FAM117B: variants seen among roughly 807,000 people sequenced by gnomAD.
FAM117B encodes family with sequence similarity 117 member B.
FAM117B carries 22 observed loss-of-function variants against 52.8 expected under a neutral mutation model. The observed-to-expected ratio is 0.42, with a 90% CI of 0.30 to 0.59. FAM117B has a LOEUF of 0.59. Ranked by LOEUF, FAM117B falls within the 20% of genes least tolerant of loss-of-function variation. The pLI is 0.22. For missense variants in FAM117B, 678 were observed against 802.6 expected (o/e 0.84, Z 1.88); for synonymous variants, 309 against 324.1 (o/e 0.95, Z 0.50).
intron 1 of FAM117B, among the ~76,000 whole-genome samples, chr2:202,669,338 G>A (rs1414097897): frequency 6.6e-6 from 1 of 152,094 alleles, no homozygotes; most frequent in African/African-American, 2.4e-5. Flanking sequence ...CAGTCATATG[G>A]TATCAGTGTG....
rs183801941 is a variant in FAM117B, at chr2:202,754,072, C to T, written c.961-1466C>T. The stretch of plus-strand genomic sequence containing the variant: ...AATCATTCTACTATAAAGACACATG[C>T]ACATATGTGTTTATTGCAGCACTGT... On this transcript the variant is annotated intron_variant, in intron 4 of 7. Transcript: ENST00000392238. Among the ~76,000 whole-genome samples the T allele has an allele frequency of 4.5e-4, 69 of 152,286 alleles. 1 individual carries two copies. The highest frequency in any genetic ancestry group is 2.3e-3 in the Admixed American group (35 of 15,302).
chr2:202,725,106 A>G (rs1276638838), intron 3 of FAM117B, 97 bp downstream of exon 3: 5 of 874,414 alleles, frequency 5.7e-6, no homozygotes, highest in Admixed American at 2.8e-5. Context: ...GTCGTTTTCC[A>G]TTGATTTCTT....
At chr2:202,732,166 C>T (rs1312363077) in intron 4 of FAM117B, among the ~76,000 whole-genome samples, 3 of 151,756 alleles carry the variant, frequency 2.0e-5, no homozygotes, top group Admixed American at 6.6e-5. Context: ...GCCGGGATTA[C>T]AGGCGTGAGC....
chr2:202,762,608 G>A (rs1340600254), intron 7 of FAM117B, among the ~76,000 whole-genome samples: 2 of 152,068 alleles, frequency 1.3e-5, no homozygotes, highest in South Asian at 2.1e-4. Context: ...TTCTTTCTAT[G>A]TATGGTTTGT....
chr2:202,692,323 T>C (rs1690645737), intron 1 of FAM117B, among the ~76,000 whole-genome samples: 1 of 152,092 alleles, frequency 6.6e-6, no homozygotes, highest in South Asian at 2.1e-4. Flanking sequence ...AGATAAAATA[T>C]ATGAGGGTGT....
At chr2:202,704,352 T>C (rs1002421946) in intron 2 of FAM117B, among the ~76,000 whole-genome samples, 26 of 152,204 alleles carry the variant, frequency 1.7e-4, no homozygotes, top group African/African-American at 6.0e-4. Flanking sequence ...CCTAAGGAAT[T>C]TGATCTATTG....
intron 4 of FAM117B, among the ~76,000 whole-genome samples, chr2:202,741,854 G>A (rs182714105): frequency 6.6e-6 from 1 of 152,172 alleles, no homozygotes; most frequent in East Asian, 1.9e-4. Flanking sequence ...TTGTATGACT[G>A]CAGTCCATAG....
At position 202,678,853 on chromosome 2, in the gene FAM117B, C is replaced by T. The variant is rs148253266; in HGVS notation, c.602-17028C>T. 2.8e-3 allele frequency among the ~76,000 whole-genome samples: 422 copies of T among 152,208 alleles called. 3 individuals carry two copies. The highest frequency in any genetic ancestry group is 9.1e-3 in the African/African-American group (379 of 41,540). On this transcript the variant is annotated intron_variant, in intron 1 of 7. Transcript: ENST00000392238. ...GATTACACGTGTGAGCCTCTGCACCCGGACAAGGGTGGACACAGTTTCTAA... is the reference window on the plus strand; with the variant it reads ...GATTACACGTGTGAGCCTCTGCACCTGGACAAGGGTGGACACAGTTTCTAA...
At chr2:202,761,160 A>G (rs10203745) in intron 7 of FAM117B, among the ~76,000 whole-genome samples, 151,786 of 152,374 alleles carry the variant, frequency 1, 75,602 homozygotes, top group East Asian at 1. Context: ...GCCTCCTAAA[A>G]TGCTGGGACT....
chr2:202,751,634 T>C (rs1210286405), intron 4 of FAM117B, among the ~76,000 whole-genome samples: 2 of 151,806 alleles, frequency 1.3e-5, no homozygotes, highest in Non-Finnish European at 2.9e-5. Flanking sequence ...TAGCTGGGCG[T>C]TGTCGCGGGT....
intron 1 of FAM117B, among the ~76,000 whole-genome samples, chr2:202,639,945 G>A (rs1460957633): frequency 1.3e-5 from 2 of 151,894 alleles, no homozygotes; most frequent in Non-Finnish European, 2.9e-5. Flanking sequence ...TGGTTCATCT[G>A]TATCAGAATT....
intron 4 of FAM117B, among the ~76,000 whole-genome samples, chr2:202,740,320 A>T (rs1399717421): frequency 2.0e-5 from 3 of 148,432 alleles, no homozygotes; most frequent in Non-Finnish European, 3.0e-5. Flanking sequence ...AGATCACACT[A>T]CAGCACTTCA....
At chr2:202,647,424 G>C (rs1363753239) in intron 1 of FAM117B, among the ~76,000 whole-genome samples, 1 of 152,062 alleles carries the variant, frequency 6.6e-6, no homozygotes, top group African/African-American at 2.4e-5. Flanking sequence ...TCAACAAAAC[G>C]TGTATATATA....
intron 4 of FAM117B, among the ~76,000 whole-genome samples, chr2:202,739,848 T>C (rs1385270538): frequency 1.3e-5 from 2 of 151,908 alleles, no homozygotes; most frequent in African/African-American, 4.8e-5. Context: ...GTCCAAATTG[T>C]TTTTCAGATT....
Position 202,662,404 on chromosome 2 carries a change from G to A in FAM117B, c.601+26616G>A, listed in dbSNP as rs527719307. Among the ~76,000 whole-genome samples the A allele has an allele frequency of 4.6e-5, 7 of 152,212 alleles. No individual in the cohort carries two copies. In the East Asian group the frequency reaches 1.4e-3, roughly 29 times the overall value. ...AAGAGGAGGTGATAGAGGAGGAGGGGACTGGGAAAAGTCAGTCAACTGGTA... is the reference window on the plus strand; with the variant it reads ...AAGAGGAGGTGATAGAGGAGGAGGGAACTGGGAAAAGTCAGTCAACTGGTA... On this transcript the variant is annotated intron_variant, in intron 1 of 7. Transcript: ENST00000392238.
chr2:202,657,792 T>A (rs373898660), intron 1 of FAM117B, among the ~76,000 whole-genome samples: 1 of 152,166 alleles, frequency 6.6e-6, no homozygotes, highest in Non-Finnish European at 1.5e-5. Context: ...CCCCTTCTGC[T>A]TTTTGTTCCA....
intron 4 of FAM117B, among the ~76,000 whole-genome samples, chr2:202,750,859 A>G (rs954967250): frequency 9.9e-5 from 15 of 152,138 alleles, no homozygotes; most frequent in African/African-American, 3.6e-4. Flanking sequence ...TTTTATACGC[A>G]TGCATTGGCT....
chr2:202,752,960 T>TC (rs1559116012), intron 4 of FAM117B, among the ~76,000 whole-genome samples: 2 of 152,242 alleles, frequency 1.3e-5, no homozygotes, highest in African/African-American at 4.8e-5. Context: ...ATTTATAGAT[T>TC]CAATGCTATT....
intron 2 of FAM117B, among the ~76,000 whole-genome samples, chr2:202,714,523 TTTTTTTTTTC>T: frequency 8.4e-6 from 1 of 118,860 alleles, no homozygotes; most frequent in South Asian, 2.2e-4. Context: ...TTGTTATATC[TTTTTTTTTTC>T]TTTTTTTTTT....
Sources: gnomAD v4.1 joint callset for allele counts (sites outside exome capture counted in the v4.1 genomes callset) on GRCh38, gnomAD v4.1.1 for gene constraint, MANE v1.5 for transcripts, NCBI Gene and HGNC (gene_info 2026-07-23, HGNC 2026-07-21) for gene names.